The following MRPL34 variants were observed in gnomAD, a reference collection of about 807,000 sequenced individuals.
The protein encoded by MRPL34 is mitochondrial ribosomal protein L34.
Under a neutral mutation model 6.7 loss-of-function variants are expected in MRPL34, and 8 were observed. The observed-to-expected ratio is 1.20, with a 90% CI of 0.70 to 2.16. The LOEUF (loss-of-function observed/expected upper bound fraction) is 2.16. MRPL34 is among the 30% of genes most tolerant of loss of function. The probability of loss-of-function intolerance (pLI) is 0.00; values close to 1 mark genes in which losing one functional copy is unlikely to be tolerated. For synonymous variants in MRPL34, 59 were observed against 55.1 expected (o/e 1.07, Z -0.31); for missense variants, 146 against 125.5 (o/e 1.16, Z -0.78).
chr19:17,298,778 T>A (rs2074104187), upstream of MRPL34, among the ~76,000 whole-genome samples: 3 of 147,752 alleles, frequency 2.0e-5, no homozygotes, highest in Non-Finnish European at 4.5e-5. Flanking sequence ...TCTCACTCTG[T>A]TGCTCAGGCT....
chr19:17,305,689 T>G, upstream of MRPL34: 1 of 632,512 alleles, frequency 1.6e-6, no homozygotes, highest in Admixed American at 2.5e-5. Flanking sequence ...TTGGTGTGTA[T>G]GCAGAGCATC....
upstream of MRPL34, among the ~76,000 whole-genome samples, chr19:17,301,853 G>A (rs12976380): frequency 0.34 from 51,954 of 151,576 alleles, 9,434 homozygotes; most frequent in South Asian, 0.42. Flanking sequence ...GAGGGCAGTG[G>A]CCGGATTTCG....
chr19:17,304,788 C>T (rs1181448044), upstream of MRPL34, among the ~76,000 whole-genome samples: 1 of 130,490 alleles, frequency 7.7e-6, no homozygotes, highest in Non-Finnish European at 1.8e-5. Context: ...GAAGACGACT[C>T]CTTTTTTTTT....
At chr19:17,292,607 G>A, upstream of MRPL34, 1 of 1,537,546 alleles carries the variant, frequency 6.5e-7, no homozygotes, top group South Asian at 1.2e-5. Flanking sequence ...CGCAGGCTCG[G>A]GCCTCCTCCT....
chr19:17,299,802 G>C (rs185053861), upstream of MRPL34, among the ~76,000 whole-genome samples: 131 of 151,958 alleles, frequency 8.6e-4, no homozygotes, highest in Admixed American at 1.9e-3. Context: ...GCTTTGTTTT[G>C]TTTTAGGAGA....
intron 1 of MRPL34, among the ~76,000 whole-genome samples, chr19:17,293,181 T>C (rs1289912920): frequency 1.3e-5 from 2 of 150,394 alleles, no homozygotes; most frequent in Non-Finnish European, 1.5e-5. Flanking sequence ...CTCCAACCTC[T>C]GCCTCCCGGC....
At chr19:17,292,741 C>G in exon 1 of MRPL34, 1 of 1,613,810 alleles carries the variant, frequency 6.2e-7, no homozygotes. Flanking sequence ...AGCAGGAATT[C>G]GTGGAGCAGC....
At chr19:17,296,646 T>A (rs996565089) in intron 1 of MRPL34, 6 of 151,836 alleles carry the variant, frequency 4.0e-5, no homozygotes, top group Non-Finnish European at 8.8e-5. Context: ...TTTGCTTTTT[T>A]AAATACAGTT....
At chr19:17,301,310 G>C, upstream of MRPL34, 1 of 1,607,626 alleles carries the variant, frequency 6.2e-7, no homozygotes, top group African/African-American at 1.3e-5. Flanking sequence ...CCGTGTAGGA[G>C]GTCGGCTCGA....
intron 1 of MRPL34, chr19:17,294,716 G>A (rs764860195): frequency 1.9e-6 from 3 of 1,614,180 alleles, no homozygotes; most frequent in East Asian, 2.2e-5. Context: ...AGCAGTGCAG[G>A]ACGCAGGTGG....
intron 1 of MRPL34, chr19:17,294,502 G>A (rs1437396291): frequency 3.7e-6 from 6 of 1,613,686 alleles, no homozygotes; most frequent in Non-Finnish European, 5.1e-6. Flanking sequence ...GGCGAAGCCG[G>A]CCCTGGTGGT....
intron 1 of MRPL34, chr19:17,294,176 C>A: frequency 7.4e-7 from 1 of 1,346,340 alleles, no homozygotes; most frequent in Non-Finnish European, 1.0e-6. Flanking sequence ...CACGCCCCCT[C>A]GGGAAGAAAG....
chr19:17,294,327 A>T (rs1284654419), intron 1 of MRPL34: 1 of 1,611,306 alleles, frequency 6.2e-7, no homozygotes. Context: ...GCACAAACTT[A>T]TCGTGCATGC....
At chr19:17,292,578 G>A, upstream of MRPL34, 1 of 1,422,194 alleles carries the variant, frequency 7.0e-7, no homozygotes, top group Non-Finnish European at 9.3e-7. Flanking sequence ...CGCCCAGGTG[G>A]TCTGCGCTGC....
At chr19:17,294,446 A>T in intron 1 of MRPL34, 1 of 1,614,146 alleles carries the variant, frequency 6.2e-7, no homozygotes, top group Non-Finnish European at 8.5e-7. Context: ...GACACGTTGA[A>T]AGCGTTGCCC....
At chr19:17,305,660 G>A, upstream of MRPL34, 1 of 578,072 alleles carries the variant, frequency 1.7e-6, no homozygotes, top group Non-Finnish European at 3.1e-6. Context: ...CTCAGAAGGC[G>A]CCGTTCGCCG....
At chr19:17,300,962 G>A, upstream of MRPL34, 1 of 1,613,486 alleles carries the variant, frequency 6.2e-7, no homozygotes, top group Non-Finnish European at 8.5e-7. Flanking sequence ...GCCACCTGGG[G>A]CGCAGAGCTG....
At chr19:17,303,561 C>G (rs957648239), upstream of MRPL34, 2 of 152,520 alleles carry the variant, frequency 1.3e-5, no homozygotes, top group Admixed American at 1.3e-4. Context: ...GCTCTGGGAG[C>G]AACGGCCCCG....
chr19:17,292,792 T>C (rs1201299594), exon 1 of MRPL34: 1 of 1,613,078 alleles, frequency 6.2e-7, no homozygotes, highest in South Asian at 1.1e-5. Context: ...ACCATGTGGC[T>C]GCCCTCGTCG....
Sources: gnomAD v4.1 joint callset for allele counts (sites outside exome capture counted in the v4.1 genomes callset) on GRCh38, gnomAD v4.1.1 for gene constraint, MANE v1.5 for transcripts, NCBI Gene and HGNC (gene_info 2026-07-23, HGNC 2026-07-21) for gene names.